The following SCEL variants were observed in gnomAD, a reference collection of about 807,000 sequenced individuals.
SCEL encodes sciellin.
Under a neutral mutation model 117.6 loss-of-function variants are expected in SCEL, and 113 were observed. The ratio of observed to expected loss-of-function variants is 0.96; its 90% CI spans 0.83 to 1.12. The LOEUF (loss-of-function observed/expected upper bound fraction) is 1.12, where lower values mean the gene tolerates loss of function less well. Among genes scored for constraint, SCEL ranks in the 50% most tolerant of loss-of-function variants. SCEL has a pLI of 0.00. For synonymous variants in SCEL, 270 were observed against 256.2 expected, an observed-to-expected ratio of 1.05 and a Z score of -0.51; for missense variants, 785 against 810.8, an observed-to-expected ratio of 0.97 and a Z score of 0.39.
intron 8 of SCEL, among the ~76,000 whole-genome samples, chr13:77,570,002 T>C (rs1372899152): frequency 1.3e-5 from 2 of 152,234 alleles, no homozygotes; most frequent in Non-Finnish European, 2.9e-5. Flanking sequence ...TGACCAAATA[T>C]TCTTCATGAG....
At chr13:77,568,179 A>T (rs1162973515) in intron 6 of SCEL, 116 bp from the exon 7 acceptor site, 1 of 658,800 alleles carries the variant, frequency 1.5e-6, no homozygotes, top group Non-Finnish European at 2.6e-6. Flanking sequence ...GATGCTTTCT[A>T]TTTCTTTCTC....
At chr13:77,567,284 TCTC>T (rs2154397126) in intron 5 of SCEL, among the ~76,000 whole-genome samples, 1 of 152,190 alleles carries the variant, frequency 6.6e-6, no homozygotes, top group East Asian at 1.9e-4. Flanking sequence ...TGAAACCTCT[TCTC>T]TACTAAAAAT....
intron 32 of SCEL, 50 bp from the exon 33 acceptor site, chr13:77,644,208 G>T (rs2090691816): frequency 1.2e-6 from 2 of 1,604,880 alleles, no homozygotes; most frequent in East Asian, 2.2e-5. Context: ...TTTTAATGAT[G>T]AGCTTGTTTC....
At chr13:77,579,003 A>G (rs1196194918) in intron 9 of SCEL, among the ~76,000 whole-genome samples, 1 of 152,158 alleles carries the variant, frequency 6.6e-6, no homozygotes, top group Non-Finnish European at 1.5e-5. Flanking sequence ...ACTTTGATGT[A>G]TGTCTGTACA....
At chr13:77,552,722 G>T (rs962063113) in intron 1 of SCEL, among the ~76,000 whole-genome samples, 6 of 152,066 alleles carry the variant, frequency 3.9e-5, no homozygotes, top group South Asian at 2.1e-4. Context: ...GTCAATTTTG[G>T]CTTTTGTTGC....
At chr13:77,590,085 G>A (rs1160514446) in intron 10 of SCEL, among the ~76,000 whole-genome samples, 3 of 152,026 alleles carry the variant, frequency 2.0e-5, no homozygotes, top group African/African-American at 4.8e-5. Flanking sequence ...TTGACACCAC[G>A]TAAGACACAA....
intron 1 of SCEL, among the ~76,000 whole-genome samples, chr13:77,546,015 A>G (rs1346296759): frequency 1.3e-5 from 2 of 152,254 alleles, no homozygotes. Flanking sequence ...ATCAATGGCC[A>G]GCACTGGACT....
chr13:77,628,030 CT>C, intron 28 of SCEL, 21 bp downstream of exon 28: 8 of 1,307,900 alleles, frequency 6.1e-6, no homozygotes, highest in Non-Finnish European at 8.3e-6. Context: ...TTATAATTCA[CT>C]TTTTTTCTTA....
chr13:77,628,350 A>G (rs1382510578), intron 28 of SCEL, among the ~76,000 whole-genome samples: 1 of 151,946 alleles, frequency 6.6e-6, no homozygotes, highest in Non-Finnish European at 1.5e-5. Context: ...GTGAAGATTT[A>G]TTTTTACTTA....
chr13:77,563,578 G>T (rs1015049540), intron 4 of SCEL, among the ~76,000 whole-genome samples: 1 of 152,082 alleles, frequency 6.6e-6, no homozygotes, highest in African/African-American at 2.4e-5. Flanking sequence ...CCCCTAATTT[G>T]AATATGTTAC....
chr13:77,589,410 A>G (rs1262031894), intron 10 of SCEL, among the ~76,000 whole-genome samples, 186 bp downstream of exon 10: 1 of 152,222 alleles, frequency 6.6e-6, no homozygotes, highest in African/African-American at 2.4e-5. Context: ...GTCTTTGAAT[A>G]CTAATGGCTA....
intron 20 of SCEL, 135 bp from the exon 21 acceptor site, chr13:77,608,923 A>G: frequency 1.5e-6 from 1 of 672,212 alleles, no homozygotes; most frequent in Non-Finnish European, 2.4e-6. Flanking sequence ...TTAAATTAAG[A>G]GCATAGACTG....
chr13:77,549,144 T>C (rs993286598), intron 1 of SCEL, among the ~76,000 whole-genome samples: 1 of 152,222 alleles, frequency 6.6e-6, no homozygotes, highest in African/African-American at 2.4e-5. Context: ...CATACTCTTT[T>C]CCATAGAGGT....
chr13:77,625,021 T>G (rs537564975), intron 27 of SCEL, among the ~76,000 whole-genome samples: 1 of 152,302 alleles, frequency 6.6e-6, no homozygotes, highest in African/African-American at 2.4e-5. Context: ...AAGCCACCAG[T>G]TTCCCTATAA....
chr13:77,621,143 C>T (rs1306607017), intron 27 of SCEL, among the ~76,000 whole-genome samples: 1 of 152,114 alleles, frequency 6.6e-6, no homozygotes, highest in Non-Finnish European at 1.5e-5. Context: ...CCCCTTCTGC[C>T]CTTCAATCCA....
At position 77,599,727 on chromosome 13, in the gene SCEL, G is replaced by C; in HGVS notation, c.896G>C (p.Arg299Pro). ...GAAAGTCTCATCTATATGAGTACCC[G>C]GACAGATAAAGATGGCAAAGGGTAA... ...SLESLIYMST[R>P]TDKDGKGIQS... Residue 299 changes from arginine to proline, a missense_variant, in exon 15 of 33, where the codon CGG becomes CCG. By Grantham distance (103) the Arg-to-Pro change is moderately radical. Transcript: ENST00000349847. 4 of 1,611,286 alleles carry C rather than the reference G, an allele frequency of 2.5e-6. No homozygotes were observed. Among genetic ancestry groups the C allele is most frequent in the Non-Finnish European group, 3.4e-6 (4 of 1,177,440 alleles).
intron 1 of SCEL, among the ~76,000 whole-genome samples, chr13:77,547,207 A>G (rs1256408386): frequency 6.6e-6 from 1 of 152,172 alleles, no homozygotes; most frequent in Non-Finnish European, 1.5e-5. Context: ...AAAATTTAAG[A>G]TAAATCTTAA....
intron 9 of SCEL, among the ~76,000 whole-genome samples, chr13:77,575,496 G>T (rs1019671720): frequency 1.3e-5 from 2 of 152,150 alleles, no homozygotes; most frequent in Non-Finnish European, 2.9e-5. Flanking sequence ...AAGAAAAAAT[G>T]AAATTTCCTG....
At chr13:77,572,233 A>G (rs1239756306) in intron 9 of SCEL, 44 bp downstream of exon 9, 1 of 1,420,148 alleles carries the variant, frequency 7.0e-7, no homozygotes, top group East Asian at 2.3e-5. Context: ...CATTAGATGG[A>G]AGAACATGTC....
Sources: gnomAD v4.1 joint callset for allele counts (sites outside exome capture counted in the v4.1 genomes callset) on GRCh38, gnomAD v4.1.1 for gene constraint, MANE v1.5 for transcripts, NCBI Gene and HGNC (gene_info 2026-07-23, HGNC 2026-07-21) for gene names.